Variants in PPP4R3A observed in about 807,000 individuals in gnomAD.
PPP4R3A encodes the protein protein phosphatase 4 regulatory subunit 3A.
PPP4R3A carries 15 observed loss-of-function variants against 91.7 expected under a neutral mutation model. The observed-to-expected ratio is 0.16, with a 90% confidence interval of 0.11 to 0.25. PPP4R3A has a LOEUF of 0.25. Among genes scored for constraint, PPP4R3A ranks in the 10% least tolerant of loss-of-function variants. The probability of loss-of-function intolerance (pLI) is 1.00; values close to 1 mark genes in which losing one functional copy is unlikely to be tolerated. For synonymous variants in PPP4R3A, 377 were observed against 348.7 expected, an observed-to-expected ratio of 1.08 and a Z score of -0.91; for missense variants, 623 against 998.4, an observed-to-expected ratio of 0.62 and a Z score of 5.07.
rs1490886127 is a variant in PPP4R3A at position 91,476,537 on chromosome 14, A to G, written c.994-13T>C. On this transcript the variant is annotated splice_polypyrimidine_tract_variant and intron_variant, in intron 5 of 14. Transcript: ENST00000554943. ...TTAAAAAGTTAACCTGAAATTAGAA[A>G]AAAGGATAAGTGATATAAAAAGTTT... is the stretch of plus-strand genomic sequence containing the variant. 2 of 1,507,116 alleles carry G rather than the reference A, an allele frequency of 1.3e-6. No homozygotes were observed. Among genetic ancestry groups the G allele is most frequent in the Non-Finnish European group, 9.1e-7 (1 of 1,100,352 alleles). 93.4% of individuals were successfully genotyped at this position (1,507,116 alleles called of 1,614,324 possible).
Position 91,470,884 on chromosome 14 carries a change from C to T in PPP4R3A, c.1613G>A (p.Arg538Gln), listed in dbSNP as rs778331899. The change falls in exon 10 of 15, where the codon CGG becomes CAG. Residue 538 changes from arginine (R) to glutamine (Q), a missense_variant. Physicochemically the swap from Arg to Gln is conservative, Grantham distance 43 (BLOSUM62 1). Around this residue, in one of 5 missense-constraint regions of PPP4R3A, gnomAD observed 87 missense variants for 233.9 expected, o/e 0.37. Transcript: ENST00000554943. ...KNYIINKDILRRVLVLMASKH... is the reference protein window; with the variant it reads ...KNYIINKDILQRVLVLMASKH... Reference sequence around the variant, plus strand: ...CGAGGCCATAAGAACTAGCACTCTCCGGAGGATATCCTTATTAATAATGTA... The same window carrying T: ...CGAGGCCATAAGAACTAGCACTCTCTGGAGGATATCCTTATTAATAATGTA... The T allele has an allele frequency of 1.4e-5, 22 of 1,611,672 alleles. No individual in the cohort carries two copies. The highest frequency in any genetic ancestry group is 2.2e-5 in the South Asian group (2 of 90,130).
intron 2 of PPP4R3A, among the ~76,000 whole-genome samples, chr14:91,487,046 A>AGAC (rs1230110068): frequency 6.6e-6 from 1 of 151,966 alleles, no homozygotes; most frequent in Non-Finnish European, 1.5e-5. Flanking sequence ...CAGGAGTTCA[A>AGAC]GACCAGCCTG....
chr14:91,497,060 T>C (rs370370007), intron 1 of PPP4R3A, among the ~76,000 whole-genome samples: 19 of 152,230 alleles, frequency 1.2e-4, no homozygotes, highest in Admixed American at 2.0e-4. Context: ...GATGGGGATA[T>C]AGAGCTCAAC....
chr14:91,462,596 T>C, intron 12 of PPP4R3A, 139 bp downstream of exon 12: 1 of 945,702 alleles, frequency 1.1e-6, no homozygotes, highest in Non-Finnish European at 1.6e-6. Context: ...ATGTTGACCC[T>C]TACAGGAAGC....
intron 1 of PPP4R3A, among the ~76,000 whole-genome samples, chr14:91,506,413 A>T (rs1217728496): frequency 6.6e-6 from 1 of 152,236 alleles, no homozygotes; most frequent in Non-Finnish European, 1.5e-5. Context: ...GTAAACTGCT[A>T]AAAGAGTTTG....
At chr14:91,497,073 T>C (rs1890619645) in intron 1 of PPP4R3A, among the ~76,000 whole-genome samples, 1 of 152,128 alleles carries the variant, frequency 6.6e-6, no homozygotes, top group Non-Finnish European at 1.5e-5. Context: ...AGCTCAACTT[T>C]AGGAGAGGAA....
chr14:91,505,496 C>G (rs1891242884), intron 1 of PPP4R3A, among the ~76,000 whole-genome samples: 1 of 151,684 alleles, frequency 6.6e-6, no homozygotes, highest in Non-Finnish European at 1.5e-5. Context: ...GCAAAAGCCC[C>G]TATCACACTA....
chr14:91,490,676 C>T, intron 2 of PPP4R3A, 71 bp downstream of exon 2: 1 of 1,219,690 alleles, frequency 8.2e-7, no homozygotes, highest in Non-Finnish European at 1.2e-6. Context: ...TCACTATAAG[C>T]AATCAGATAA....
Position 91,470,840 on chromosome 14 carries a change from A to G in PPP4R3A, c.1657T>C (p.Leu553=). The change falls in exon 10 of 15, where the codon TTA becomes CTA. Residue 553 remains leucine (L), a synonymous_variant. Transcript: ENST00000554943. ...LMASKHAFLA[L]CALRFKRKII... ...GATAAATAATTCTAACACTTACATA[A>G]TGCCAAGAAAGCATGCTTCGAGGCC... 6.2e-7 allele frequency: 1 copy of G among 1,604,922 alleles called. No individual in the cohort carries two copies.
chr14:91,506,550 T>TG (rs1891305179), intron 1 of PPP4R3A, among the ~76,000 whole-genome samples: 1 of 152,146 alleles, frequency 6.6e-6, no homozygotes, highest in Admixed American at 6.6e-5. Context: ...TCTAAGTCCA[T>TG]GGTGTGTGTG....
rs1889168259 is a variant in PPP4R3A at position 91,475,799 on chromosome 14, AAT to A, written c.1266+10_1266+11del. 6.2e-7 allele frequency: 1 copy of A among 1,607,356 alleles called. No homozygotes were observed. The highest frequency in any genetic ancestry group is 8.5e-7 in the Non-Finnish European group (1 of 1,175,208). ...TGTATAAATACTTACTATTAGTACA[AAT>A]AATATTTACCTTGCTGGTTATTTTT... is the stretch of plus-strand genomic sequence containing the variant. On this transcript the variant is annotated intron_variant, in intron 7 of 14. Transcript: ENST00000554943.
intron 14 of PPP4R3A, among the ~76,000 whole-genome samples, chr14:91,459,896 T>TAGACA (rs1888018656): frequency 2.6e-5 from 4 of 151,390 alleles, no homozygotes. Flanking sequence ...GAAATGAGGG[T>TAGACA]AGACAGGCTT....
At chr14:91,482,543 C>G (rs1889634627) in intron 3 of PPP4R3A, among the ~76,000 whole-genome samples, 1 of 152,104 alleles carries the variant, frequency 6.6e-6, no homozygotes. Flanking sequence ...TCTCATATCC[C>G]TGGCCCTCTT....
Position 91,458,541 on chromosome 14 carries a change from C to G in PPP4R3A, c.*218G>C. The G allele has an allele frequency of 3.0e-6, 2 of 668,136 alleles. No individual in the cohort carries two copies. Among genetic ancestry groups the G allele is most frequent in the East Asian group, 2.9e-5 (1 of 33,956 alleles). The allele number at this position is 668,136 out of a possible 1,614,324, so 41.4% of individuals were successfully genotyped here. On this transcript the variant is annotated 3_prime_UTR_variant, in exon 15 of 15. Coordinates refer to ENST00000554943, the MANE Select transcript of PPP4R3A (RefSeq NM_001366432.2). ...AGAAAAGGGCAATGTGTGGTCCAAG[C>G]TGGAGAGCTCAAAGGCTTAAGTCTT... is the stretch of plus-strand genomic sequence containing the variant.
intron 7 of PPP4R3A, among the ~76,000 whole-genome samples, chr14:91,474,311 C>A (rs1490978259): frequency 2.0e-5 from 3 of 152,014 alleles, no homozygotes; most frequent in African/African-American, 4.8e-5. Context: ...GACTGGTATT[C>A]CTCACCTAAG....
chr14:91,467,115 C>G (rs958495423), intron 10 of PPP4R3A, among the ~76,000 whole-genome samples: 1 of 152,172 alleles, frequency 6.6e-6, no homozygotes, highest in African/African-American at 2.4e-5. Context: ...TTCTAGTGGT[C>G]TTTTTGTTTT....
chr14:91,487,860 G>A (rs1889991403), intron 2 of PPP4R3A, among the ~76,000 whole-genome samples: 2 of 152,178 alleles, frequency 1.3e-5, no homozygotes, highest in Admixed American at 1.3e-4. Flanking sequence ...GGAACTACAG[G>A]CATGTGCCAC....
chr14:91,475,863 T>C lies in PPP4R3A; in HGVS notation c.1214A>G (p.Gln405Arg). The change falls in exon 7 of 15, where the codon CAA becomes CGA. Residue 405 changes from glutamine to arginine, a missense_variant. Transcript: ENST00000554943. ...MVREFVMQEA[Q>R]QNDDVSKKLT... ...CTTCTTACTTACATCATCATTCTGT[T>C]GTGCCTCCTGCATGACAAACTCTCG... is the stretch of plus-strand genomic sequence containing the variant. The C allele has an allele frequency of 1.9e-6, 3 of 1,613,840 alleles. No homozygotes were observed. The highest frequency in any genetic ancestry group is 2.5e-6 in the Non-Finnish European group (3 of 1,179,920).
chr14:91,506,050 A>T (rs1891272955), intron 1 of PPP4R3A, among the ~76,000 whole-genome samples: 1 of 151,732 alleles, frequency 6.6e-6, no homozygotes, highest in African/African-American at 2.4e-5. Flanking sequence ...TGTTCACACC[A>T]TTCTCCTGCC....
Sources: allele counts gnomAD v4.1 joint callset (sites outside exome capture counted in the v4.1 genomes callset), GRCh38; gene constraint gnomAD v4.1.1; regional missense constraint gnomAD v4.1.1; transcripts MANE v1.5; gene names NCBI Gene and HGNC (gene_info 2026-07-23, HGNC 2026-07-21).